Variants in AIM2 observed in about 807,000 individuals in gnomAD.
AIM2 encodes the protein absent in melanoma 2.
A neutral mutation model predicts 27.7 loss-of-function variants in AIM2; 30 were observed. That is an observed-to-expected ratio of 1.08 (90% CI 0.81 to 1.47). The LOEUF is 1.47. AIM2 is among the 40% of genes most tolerant of loss of function. The pLI, the probability that AIM2 is intolerant of heterozygous loss-of-function variation, is 0.00. For synonymous variants in AIM2, 141 were observed against 145.3 expected, an observed-to-expected ratio of 0.97 and a Z score of 0.21; for missense variants, 358 against 411.3, an observed-to-expected ratio of 0.87 and a Z score of 1.12.
chr1:159,082,182 G>C (rs982284295), intron 1 of AIM2, among the ~76,000 whole-genome samples: 6 of 152,198 alleles, frequency 3.9e-5, no homozygotes, highest in African/African-American at 1.4e-4. Context: ...AGCTAGAAGA[G>C]AGTGGAGCAA....
At chr1:159,075,613 G>T (rs115062748) in intron 1 of AIM2, among the ~76,000 whole-genome samples, 18,087 of 144,116 alleles carry the variant, frequency 0.13, 1,336 homozygotes, top group East Asian at 0.29. Context: ...TATATATATA[G>T]AGAGAGAGAG....
chr1:159,110,025 A>C (rs936942703), intron 1 of AIM2, among the ~76,000 whole-genome samples: 12 of 152,260 alleles, frequency 7.9e-5, no homozygotes, highest in Non-Finnish European at 1.6e-4. Flanking sequence ...CTAAAAGTAG[A>C]ACTATCATTT....
intron 2 of AIM2, 22 bp downstream of exon 2, chr1:159,073,216 A>G (rs774613385): frequency 6.2e-7 from 1 of 1,612,922 alleles, no homozygotes; most frequent in Non-Finnish European, 8.5e-7. Context: ...GGGACGGGGC[A>G]GGTGTGGAAC....
upstream of AIM2, among the ~76,000 whole-genome samples, chr1:159,141,692 C>T (rs1648114729): frequency 6.6e-6 from 1 of 152,074 alleles, no homozygotes; most frequent in Non-Finnish European, 1.5e-5. Context: ...GACCTCACCA[C>T]ACACACAGCA....
chr1:159,101,904 A>G (rs953468113), intron 1 of AIM2, among the ~76,000 whole-genome samples: 1 of 152,210 alleles, frequency 6.6e-6, no homozygotes. Context: ...GTAGAAAAGA[A>G]AAACCCATTT....
intron 1 of AIM2, among the ~76,000 whole-genome samples, chr1:159,112,251 G>A (rs776612291): frequency 2.0e-5 from 3 of 152,024 alleles, no homozygotes; most frequent in East Asian, 1.9e-4. Flanking sequence ...AGACACAGCC[G>A]CCAAATACTA....
At chr1:159,084,672 T>G (rs1357169784) in intron 1 of AIM2, among the ~76,000 whole-genome samples, 2 of 151,480 alleles carry the variant, frequency 1.3e-5, no homozygotes, top group Admixed American at 6.6e-5. Flanking sequence ...ACTTGGGAGG[T>G]TGAGGCAGGA....
At chr1:159,143,466 G>C (rs1648148700), upstream of AIM2, among the ~76,000 whole-genome samples, 1 of 152,072 alleles carries the variant, frequency 6.6e-6, no homozygotes, top group African/African-American at 2.4e-5. Context: ...AGTTAGTCAA[G>C]GGGACTATAT....
chr1:159,068,669 T>C lies in AIM2; in HGVS notation c.295A>G (p.Lys99Glu). ...CTCATTTCAGCTTGACTTAGTGGCT[T>C]TGGTTTTGTTACCGATTTGTATTGC... ...DKQYKSVTKP[K>E]PLSQAEMSPA... Residue 99 changes from lysine (K) to glutamate (E), a missense_variant, in exon 3 of 6, where the codon AAG becomes GAG. Physicochemically the swap from Lys to Glu is moderately conservative, Grantham distance 56 (BLOSUM62 1). Transcript: ENST00000368130. 6.2e-7 allele frequency: 1 copy of C among 1,613,874 alleles called. No homozygotes were observed. Among genetic ancestry groups the C allele is most frequent in the South Asian group, 1.1e-5 (1 of 91,058 alleles).
Position 159,063,380 on chromosome 1 carries a change from T to C in AIM2, c.1005+106A>G, listed in dbSNP as rs1362400294. 2.5e-5 allele frequency: 26 copies of C among 1,059,548 alleles called. No individual in the cohort carries two copies. In the East Asian group the frequency reaches 6.1e-4, roughly 25 times the overall value. The allele number at this position is 1,059,548 out of a possible 1,614,324, so 65.6% of individuals were successfully genotyped here. A position where few individuals can be genotyped will look rare whatever the true frequency, so the allele number is the denominator to read the frequency against. On this transcript the variant is annotated intron_variant, in intron 5 of 5. Coordinates refer to ENST00000368130, the MANE Select transcript of AIM2 (RefSeq NM_004833.3). The stretch of plus-strand genomic sequence containing the variant: ...GAGATGAACGTGTACTAAATATCAA[T>C]GTCTTCCACTCTATATCCTGTTCAA...
downstream of AIM2, among the ~76,000 whole-genome samples, chr1:159,060,164 T>G (rs555523286): frequency 8.5e-5 from 13 of 152,328 alleles, no homozygotes; most frequent in South Asian, 2.3e-3. Flanking sequence ...AAACTGATGT[T>G]TCAACTAACA....
At chr1:159,056,912 AG>A in the AIM2 span, among the ~76,000 whole-genome samples, 1 of 151,948 alleles carries the variant, frequency 6.6e-6, no homozygotes, top group Non-Finnish European at 1.5e-5. Context: ...GAGAGAACTG[AG>A]GGGGGAGAAA....
chr1:159,091,046 C>A (rs1403753285), intron 1 of AIM2, among the ~76,000 whole-genome samples: 1 of 152,144 alleles, frequency 6.6e-6, no homozygotes, highest in Non-Finnish European at 1.5e-5. Flanking sequence ...AATGAAGGGG[C>A]AGGCTGTATG....
At chr1:159,062,745 C>A in intron 5 of AIM2, 27 bp from the exon 6 acceptor site, 1 of 1,612,408 alleles carries the variant, frequency 6.2e-7, no homozygotes, top group Non-Finnish European at 8.5e-7. Flanking sequence ...AACATGCAGT[C>A]TGAGATGCAG....
At chr1:159,131,263 T>C (rs538995547) in intron 1 of AIM2, among the ~76,000 whole-genome samples, 129 of 152,344 alleles carry the variant, frequency 8.5e-4, no homozygotes, top group African/African-American at 3.1e-3. Context: ...GATGAACTAA[T>C]GCTATTTTCC....
chr1:159,090,331 G>A (rs1301820770), intron 1 of AIM2, among the ~76,000 whole-genome samples: 1 of 152,200 alleles, frequency 6.6e-6, no homozygotes, highest in Non-Finnish European at 1.5e-5. Flanking sequence ...ATAAAGTGCA[G>A]GAATGCAGTG....
chr1:159,133,797 G>A (rs144891560), intron 1 of AIM2, among the ~76,000 whole-genome samples: 2,160 of 152,224 alleles, frequency 0.014, 28 homozygotes, highest in African/African-American at 0.034. Context: ...AAATGCTGAA[G>A]TTCCTCTTAG....
intron 1 of AIM2, among the ~76,000 whole-genome samples, chr1:159,109,423 G>A (rs1657519590): frequency 6.6e-6 from 1 of 152,146 alleles, no homozygotes; most frequent in South Asian, 2.1e-4. Context: ...ATGGATTAAG[G>A]ACTGAAATCT....
At chr1:159,117,978 G>A (rs571954296) in intron 1 of AIM2, among the ~76,000 whole-genome samples, 12 of 152,070 alleles carry the variant, frequency 7.9e-5, no homozygotes, top group African/African-American at 2.4e-4. Flanking sequence ...ATTTGAAACC[G>A]GGTTAGATAT....
Sources: allele counts gnomAD v4.1 joint callset (sites outside exome capture counted in the v4.1 genomes callset), GRCh38; gene constraint gnomAD v4.1.1; transcripts MANE v1.5; gene names NCBI Gene and HGNC (gene_info 2026-07-23, HGNC 2026-07-21).